PIK3AP1: variants seen among roughly 807,000 people sequenced by gnomAD.
The protein encoded by PIK3AP1 is phosphoinositide 3-kinase adapter protein 1.
In PIK3AP1, 21 loss-of-function variants were observed where a neutral mutation model predicts 88.1. That is an observed-to-expected ratio of 0.24 (90% CI 0.17 to 0.34). The LOEUF (loss-of-function observed/expected upper bound fraction) is 0.34. Among genes scored for constraint, PIK3AP1 ranks in the 10% least tolerant of loss-of-function variants. PIK3AP1 has a pLI of 1.00. For missense variants in PIK3AP1, 828 were observed against 1,035.7 expected, an observed-to-expected ratio of 0.80 and a Z score of 2.75; for synonymous variants, 398 against 400.0, an observed-to-expected ratio of 1.00 and a Z score of 0.06.
chr10:96,654,705 G>A (rs1843591084), intron 3 of PIK3AP1, among the ~76,000 whole-genome samples: 3 of 152,358 alleles, frequency 2.0e-5, no homozygotes, highest in Admixed American at 2.0e-4. Context: ...GTCAAGATAG[G>A]AGAAGGAATG....
chr10:96,599,918 CA>C (rs1787388578), intron 16 of PIK3AP1, among the ~76,000 whole-genome samples: 1 of 152,190 alleles, frequency 6.6e-6, no homozygotes, highest in Non-Finnish European at 1.5e-5. Flanking sequence ...TACACATTTA[CA>C]TGCTTCCTAG....
chr10:96,696,557 T>C (rs909777843), intron 2 of PIK3AP1, among the ~76,000 whole-genome samples: 1 of 152,174 alleles, frequency 6.6e-6, no homozygotes, highest in East Asian at 1.9e-4. Flanking sequence ...TGCGAAAACA[T>C]CCTGTAATAA....
chr10:96,710,488 C>T lies in PIK3AP1; in HGVS notation c.14-505G>A, dbSNP rs555529939. ...CCACCCATCCCTGCCTCCCAAAGTGCTGGGATTACAGGCGTGAGCCACCAG... is the reference window on the plus strand; with the variant it reads ...CCACCCATCCCTGCCTCCCAAAGTGTTGGGATTACAGGCGTGAGCCACCAG... On this transcript the variant is annotated intron_variant, in intron 1 of 16. Transcript: ENST00000339364. Among the ~76,000 whole-genome samples, 9 of 152,288 alleles carry T rather than the reference C, an allele frequency of 5.9e-5. No individual in the cohort carries two copies. In the East Asian group the frequency reaches 1.5e-3, roughly 26 times the overall value.
At chr10:96,667,179 T>C (rs1478553704) in intron 2 of PIK3AP1, among the ~76,000 whole-genome samples, 2 of 152,220 alleles carry the variant, frequency 1.3e-5, no homozygotes, top group African/African-American at 2.4e-5. Flanking sequence ...AACCCAAGGC[T>C]GCACTCTCCC....
rs776560330 is a variant in PIK3AP1, at chr10:96,595,040, C to T, written c.*537G>A. On this transcript the variant is annotated 3_prime_UTR_variant, in exon 17 of 17. Coordinates refer to ENST00000339364, the MANE Select transcript of PIK3AP1 (RefSeq NM_152309.3). ...TGTATAAGAGGAGTTTGTACTAATCCCTCTAGTCTTTTTCAGTTGGTTGTG... is the reference window on the plus strand; with the variant it reads ...TGTATAAGAGGAGTTTGTACTAATCTCTCTAGTCTTTTTCAGTTGGTTGTG... 2.6e-5 allele frequency: 4 copies of T among 154,334 alleles called. No individual in the cohort carries two copies. The highest frequency in any genetic ancestry group is 5.8e-5 in the Non-Finnish European group (4 of 69,348). The allele number at this position is 154,334 out of a possible 1,614,324, so 9.6% of individuals were successfully genotyped here.
intron 8 of PIK3AP1, among the ~76,000 whole-genome samples, chr10:96,639,027 A>C (rs1843351108): frequency 6.6e-6 from 1 of 152,244 alleles, no homozygotes; most frequent in South Asian, 2.1e-4. Flanking sequence ...GGGCTTTGTG[A>C]AGGAATCTGG....
intron 2 of PIK3AP1, among the ~76,000 whole-genome samples, chr10:96,669,877 A>C (rs1843818679): frequency 6.6e-6 from 1 of 152,034 alleles, no homozygotes; most frequent in African/African-American, 2.4e-5. Flanking sequence ...TAATGTTTCT[A>C]AGTGTTTAGA....
intron 2 of PIK3AP1, among the ~76,000 whole-genome samples, chr10:96,686,044 C>T (rs1844063258): frequency 6.6e-6 from 1 of 152,172 alleles, no homozygotes; most frequent in Non-Finnish European, 1.5e-5. Context: ...GGGAGGGCAG[C>T]AGAAGCACCT....
intron 8 of PIK3AP1, among the ~76,000 whole-genome samples, chr10:96,642,147 G>A (rs913738644): frequency 1.3e-5 from 2 of 152,244 alleles, no homozygotes; most frequent in African/African-American, 2.4e-5. Context: ...AATGTGGGCC[G>A]GGCATGGTGC....
chr10:96,597,296 TTCCTTCC>T (rs1848780038), intron 16 of PIK3AP1, among the ~76,000 whole-genome samples: 8 of 130,200 alleles, frequency 6.1e-5, no homozygotes, highest in South Asian at 2.9e-4. Flanking sequence ...CCTTCCTTCC[TTCCTTCC>T]TTCCTTCCTT....
chr10:96,703,328 G>A (rs530843049), intron 2 of PIK3AP1, among the ~76,000 whole-genome samples: 2 of 152,242 alleles, frequency 1.3e-5, no homozygotes, highest in South Asian at 2.1e-4. Flanking sequence ...GGTACCATGA[G>A]AGCTTCTGAA....
chr10:96,626,490 C>A (rs570687343), intron 10 of PIK3AP1, among the ~76,000 whole-genome samples: 1 of 152,180 alleles, frequency 6.6e-6, no homozygotes, highest in African/African-American at 2.4e-5. Flanking sequence ...TGCAACTGTG[C>A]GTAAATACTT....
At chr10:96,657,020 C>A in intron 2 of PIK3AP1, 86 bp from the exon 3 acceptor site, 3,644 of 1,234,974 alleles carry the variant, frequency 3.0e-3, no homozygotes, top group East Asian at 5.6e-3. Context: ...CCAAATATTG[C>A]AAAATAGGAA....
intron 16 of PIK3AP1, among the ~76,000 whole-genome samples, chr10:96,597,807 G>A (rs1564948454): frequency 6.6e-6 from 1 of 152,028 alleles, no homozygotes; most frequent in East Asian, 1.9e-4. Flanking sequence ...TGTTCCCCAG[G>A]TATGCCCCAT....
chr10:96,651,172 T>C, intron 6 of PIK3AP1, 76 bp downstream of exon 6: 1 of 1,570,982 alleles, frequency 6.4e-7, no homozygotes, highest in Non-Finnish European at 8.8e-7. Context: ...GGTAAACGCG[T>C]ATGTTGATGG....
At chr10:96,686,234 A>G (rs1169512003) in intron 2 of PIK3AP1, among the ~76,000 whole-genome samples, 1 of 152,192 alleles carries the variant, frequency 6.6e-6, no homozygotes, top group Non-Finnish European at 1.5e-5. Context: ...GCGGAGAACT[A>G]ACTAAAATAT....
Position 96,603,972 on chromosome 10 carries a change from C to G in PIK3AP1, c.2241+7G>C, listed in dbSNP as rs1330273502. ...CAGGATAGGTGGGGTGGAGTCCCAG[C>G]TCTCACCTCGTTGTCCCCTTCCATC... On this transcript the variant is annotated splice_region_variant and intron_variant, in intron 15 of 16. Transcript: ENST00000339364. The G allele has an allele frequency of 6.3e-7, 1 of 1,596,826 alleles. No homozygotes were observed. The highest frequency in any genetic ancestry group is 8.6e-7 in the Non-Finnish European group (1 of 1,169,338).
intron 3 of PIK3AP1, among the ~76,000 whole-genome samples, chr10:96,656,528 G>A (rs890014161): frequency 5.3e-5 from 8 of 152,114 alleles, no homozygotes; most frequent in African/African-American, 1.9e-4. Context: ...CCTGTCTGCT[G>A]GTCTCCTAGG....
chr10:96,673,119 G>A lies in PIK3AP1; in HGVS notation c.431-16185C>T, dbSNP rs111388985. 5.2e-3 allele frequency among the ~76,000 whole-genome samples: 785 copies of A among 152,266 alleles called. 2 individuals carry two copies. Among genetic ancestry groups the A allele is most frequent in the Non-Finnish European group, 7.5e-3 (511 of 68,020 alleles). On this transcript the variant is annotated intron_variant, in intron 2 of 16. Coordinates refer to ENST00000339364, the MANE Select transcript of PIK3AP1 (RefSeq NM_152309.3). ...ACTCTCAGAAAACATGACCCAAAAG[G>A]GGAAAAGATTCTGCTAGGTGAGCTG...
Sources: allele counts gnomAD v4.1 joint callset (sites outside exome capture counted in the v4.1 genomes callset), GRCh38; gene constraint gnomAD v4.1.1; transcripts MANE v1.5; gene names NCBI Gene and HGNC (gene_info 2026-07-23, HGNC 2026-07-21).